The following LRMDA variants were observed in gnomAD, a reference collection of about 807,000 sequenced individuals.
LRMDA encodes the protein leucine-rich melanocyte differentiation-associated protein.
In LRMDA, 18 loss-of-function variants were observed where a neutral mutation model predicts 29.8. The observed-to-expected ratio is 0.60, with a 90% CI of 0.42 to 0.90. The LOEUF (loss-of-function observed/expected upper bound fraction) is 0.90, where lower values mean the gene tolerates loss of function less well. Among genes scored for constraint, LRMDA ranks in the 40% least tolerant of loss-of-function variants. The probability of loss-of-function intolerance (pLI) is 0.00; values close to 1 mark genes in which losing one functional copy is unlikely to be tolerated. For missense variants in LRMDA, 273 were observed against 273.9 expected (o/e 1.00, Z 0.02); for synonymous variants, 125 against 109.4 (o/e 1.14, Z -0.89).
intron 5 of LRMDA, among the ~76,000 whole-genome samples, chr10:76,200,327 T>C (rs2132231603): frequency 6.6e-6 from 1 of 152,314 alleles, no homozygotes; most frequent in African/African-American, 2.4e-5. Flanking sequence ...ATGGAGCTAA[T>C]GATAGAAACG....
intron 5 of LRMDA, among the ~76,000 whole-genome samples, chr10:76,292,682 C>T (rs1564713700): frequency 6.6e-6 from 1 of 151,938 alleles, no homozygotes; most frequent in Non-Finnish European, 1.5e-5. Flanking sequence ...TACTTTATGA[C>T]TCTTTATGCA....
At chr10:76,038,867 G>A (rs1848296126) in intron 3 of LRMDA, among the ~76,000 whole-genome samples, 4 of 152,218 alleles carry the variant, frequency 2.6e-5, no homozygotes. Flanking sequence ...TAGATCAGAT[G>A]TTTGGCCAGG....
intron 2 of LRMDA, among the ~76,000 whole-genome samples, chr10:75,960,266 T>G (rs1846741183): frequency 6.6e-6 from 1 of 152,242 alleles, no homozygotes; most frequent in Non-Finnish European, 1.5e-5. Context: ...ATAGGCATAT[T>G]TAGAAGAGGA....
Position 76,557,345 on chromosome 10 carries a change from A to AAAAAT in LRMDA, c.*61_*65dup. ...TGAAAATAAAATCAAAAGGGAAATCAAAAATAAAGAAAACGCTAAAGAAAA... is the reference window on the plus strand; with the variant it reads ...TGAAAATAAAATCAAAAGGGAAATCAAAAATAAAATAAAGAAAACGCTAAAGAAAA... On this transcript the variant is annotated 3_prime_UTR_variant, in exon 7 of 7. Transcript: ENST00000611255. 1 of 1,369,796 alleles carries AAAAAT rather than the reference A, an allele frequency of 7.3e-7. No individual in the cohort carries two copies. The highest frequency in any genetic ancestry group is 1.0e-6 in the Non-Finnish European group (1 of 964,680). The allele number at this position is 1,369,796 out of a possible 1,614,324, so 84.9% of individuals were successfully genotyped here.
intron 6 of LRMDA, among the ~76,000 whole-genome samples, chr10:76,333,514 G>C (rs1343608724): frequency 4.6e-5 from 7 of 152,282 alleles, no homozygotes; most frequent in Admixed American, 2.0e-4. Context: ...AAGACAGCTG[G>C]GGCCTGGATA....
rs1229085624 is a variant in LRMDA, at chr10:75,486,276, TA to T, written c.131+47788del. 5.9e-5 allele frequency among the ~76,000 whole-genome samples: 9 copies of T among 151,566 alleles called. No homozygotes were observed. In the South Asian group the frequency reaches 1.9e-3, roughly 31 times the overall value. On this transcript the variant is annotated intron_variant, in intron 2 of 6. Transcript: ENST00000611255. ...TGGTCAAGTTTTATAAATAGGCACT[TA>T]AAAAATTGTATCTTTATTTTCACAC...
rs1315967300 is a variant in LRMDA at position 76,053,076 on chromosome 10, A to G, written c.399-5590A>G. Reference sequence around the variant, plus strand: ...TATGATGGCTGCCTTCTGTGTTATTAGTAGCTGTCTCTTCCTTCAACCATT... The same window carrying G: ...TATGATGGCTGCCTTCTGTGTTATTGGTAGCTGTCTCTTCCTTCAACCATT... On this transcript the variant is annotated intron_variant, in intron 4 of 6. Coordinates refer to ENST00000611255, the MANE Select transcript of LRMDA (RefSeq NM_001305581.2). 3.3e-5 allele frequency among the ~76,000 whole-genome samples: 5 copies of G among 152,174 alleles called. No individual in the cohort carries two copies. The South Asian group carries it at 6.2e-4, about 19-fold the overall frequency.
At chr10:75,656,120 A>G (rs1001877381) in intron 2 of LRMDA, among the ~76,000 whole-genome samples, 3 of 152,204 alleles carry the variant, frequency 2.0e-5, no homozygotes, top group Non-Finnish European at 4.4e-5. Context: ...ATTCTATCTC[A>G]TTCCCATAGT....
chr10:76,081,912 C>T (rs1252572713), intron 5 of LRMDA, among the ~76,000 whole-genome samples: 1 of 152,162 alleles, frequency 6.6e-6, no homozygotes, highest in Non-Finnish European at 1.5e-5. Flanking sequence ...TTGATTGGCT[C>T]ACATTTAATA....
At chr10:76,543,936 C>G (rs964113516) in intron 6 of LRMDA, among the ~76,000 whole-genome samples, 1 of 152,086 alleles carries the variant, frequency 6.6e-6, no homozygotes, top group South Asian at 2.1e-4. Flanking sequence ...GTGGGCTTCT[C>G]CCTGCACCAC....
At chr10:75,640,579 A>G (rs1253175791) in intron 2 of LRMDA, among the ~76,000 whole-genome samples, 1 of 152,202 alleles carries the variant, frequency 6.6e-6, no homozygotes, top group Non-Finnish European at 1.5e-5. Context: ...CATTGTTGCC[A>G]TACCAAAGTG....
At chr10:76,440,975 G>A (rs74611555) in intron 6 of LRMDA, among the ~76,000 whole-genome samples, 9,056 of 152,202 alleles carry the variant, frequency 0.059, 421 homozygotes, top group Non-Finnish European at 0.096. Flanking sequence ...GTGTCAAAAT[G>A]TGCTGCTTAT....
intron 2 of LRMDA, among the ~76,000 whole-genome samples, chr10:75,905,415 T>TA (rs1845742243): frequency 6.6e-6 from 1 of 151,880 alleles, no homozygotes; most frequent in African/African-American, 2.4e-5. Context: ...TTGAAATAGC[T>TA]AAAAAAGAAT....
intron 5 of LRMDA, among the ~76,000 whole-genome samples, chr10:76,234,044 C>T (rs1349722580): frequency 6.6e-6 from 1 of 152,126 alleles, no homozygotes; most frequent in African/African-American, 2.4e-5. Flanking sequence ...TTGCCCAGAT[C>T]CATCAGAGGA....
intron 2 of LRMDA, among the ~76,000 whole-genome samples, chr10:75,792,072 G>A (rs1242144080): frequency 2.6e-5 from 4 of 151,758 alleles, no homozygotes; most frequent in South Asian, 4.2e-4. Context: ...TGTTAGTCAG[G>A]ATGGTCTCCA....
chr10:76,275,741 A>G (rs1840123082), intron 5 of LRMDA, among the ~76,000 whole-genome samples: 1 of 152,026 alleles, frequency 6.6e-6, no homozygotes, highest in Non-Finnish European at 1.5e-5. Flanking sequence ...GAGGTTCTTG[A>G]TGAAAAAATT....
chr10:76,560,076 A>G lies in LRMDA; in HGVS notation c.*2788A>G, dbSNP rs1446567446. ...TTGTTGCTTTAAATAGAAGCACATTATAAGAGATTATCACTTGATCAGGCT... is the reference window on the plus strand; with the variant it reads ...TTGTTGCTTTAAATAGAAGCACATTGTAAGAGATTATCACTTGATCAGGCT... On this transcript the variant is annotated 3_prime_UTR_variant, in exon 7 of 7. Coordinates refer to ENST00000611255, the MANE Select transcript of LRMDA (RefSeq NM_001305581.2). The G allele has an allele frequency of 2.0e-5, 3 of 152,206 alleles. No individual in the cohort carries two copies. The highest frequency in any genetic ancestry group is 6.5e-5 in the Admixed American group (1 of 15,274). 9.4% of individuals were successfully genotyped at this position (152,206 alleles called of 1,614,324 possible).
chr10:75,614,723 T>C (rs1564522832), intron 2 of LRMDA, among the ~76,000 whole-genome samples: 1 of 152,052 alleles, frequency 6.6e-6, no homozygotes, highest in Non-Finnish European at 1.5e-5. Flanking sequence ...ATAATAGCTG[T>C]GTTACTCATG....
At chr10:76,290,772 C>A (rs1012693604) in intron 5 of LRMDA, among the ~76,000 whole-genome samples, 2 of 152,266 alleles carry the variant, frequency 1.3e-5, no homozygotes, top group Middle Eastern at 3.4e-3. Flanking sequence ...CTAGAGAAAC[C>A]TGTCTTACTT....
Sources: gnomAD v4.1 joint callset for allele counts (sites outside exome capture counted in the v4.1 genomes callset) on GRCh38, gnomAD v4.1.1 for gene constraint, MANE v1.5 for transcripts, NCBI Gene and HGNC (gene_info 2026-07-23, HGNC 2026-07-21) for gene names.